Variants in EXOC4 observed in about 807,000 individuals in gnomAD.
EXOC4 encodes the protein SEC8-like 1.
A neutral mutation model predicts 107.2 loss-of-function variants in EXOC4; 71 were observed. The ratio of observed to expected loss-of-function variants is 0.66; its 90% CI spans 0.55 to 0.81. The LOEUF is 0.81. EXOC4 is among the 30% of genes least tolerant of loss of function. The pLI, the probability that EXOC4 is intolerant of heterozygous loss-of-function variation, is 0.00. For synonymous variants in EXOC4, 456 were observed against 441.2 expected (o/e 1.03, Z -0.42); for missense variants, 1,108 against 1,189.6 (o/e 0.93, Z 1.01).
chr7:133,775,618 T>C (rs74336050), intron 10 of EXOC4, among the ~76,000 whole-genome samples: 9,365 of 152,278 alleles, frequency 0.061, 455 homozygotes, highest in Non-Finnish European at 0.088. Flanking sequence ...TAGTTTTTCT[T>C]TGTATTAAGT....
At chr7:133,943,000 C>G (rs921010784) in intron 14 of EXOC4, among the ~76,000 whole-genome samples, 2 of 152,042 alleles carry the variant, frequency 1.3e-5, no homozygotes, top group Non-Finnish European at 1.5e-5. Flanking sequence ...TTGCATTGCC[C>G]TATATATTAG....
chr7:133,580,694 T>C (rs1204932484), intron 9 of EXOC4, among the ~76,000 whole-genome samples: 1 of 152,240 alleles, frequency 6.6e-6, no homozygotes, highest in East Asian at 1.9e-4. Context: ...AAAATCTTCC[T>C]AAGAAAGCTT....
intron 14 of EXOC4, among the ~76,000 whole-genome samples, chr7:133,962,420 T>C (rs1263419001): frequency 6.6e-6 from 1 of 152,184 alleles, no homozygotes; most frequent in Non-Finnish European, 1.5e-5. Flanking sequence ...TTGGGCTCAT[T>C]AACATACCCT....
rs1434741939 is a variant in EXOC4, at chr7:134,032,581, G to T, written c.2687+24746G>T. ...GGAACTAGCTCAGTCCTGAGCTGGGGGGCCTCACTGGTGAAGGGAGTGCGG... is the reference window on the plus strand; with the variant it reads ...GGAACTAGCTCAGTCCTGAGCTGGGTGGCCTCACTGGTGAAGGGAGTGCGG... On this transcript the variant is annotated intron_variant, in intron 17 of 17. Transcript: ENST00000253861. Among the ~76,000 whole-genome samples the T allele has an allele frequency of 2.0e-5, 3 of 152,310 alleles. No homozygotes were observed. In the East Asian group the frequency reaches 5.8e-4, roughly 29 times the overall value.
intron 9 of EXOC4, among the ~76,000 whole-genome samples, chr7:133,572,868 G>C (rs1325693174): frequency 1.3e-5 from 2 of 152,148 alleles, no homozygotes; most frequent in African/African-American, 4.8e-5. Flanking sequence ...GAAACTTCTA[G>C]ACAGTTTTCA....
intron 11 of EXOC4, among the ~76,000 whole-genome samples, chr7:133,890,281 T>A (rs1338119510): frequency 1.3e-5 from 1 of 76,818 alleles, no homozygotes; most frequent in Admixed American, 1.0e-4. Context: ...TTTGTTTTTT[T>A]CTTGTAAATT....
chr7:133,276,112 C>T (rs1793984735), intron 2 of EXOC4, among the ~76,000 whole-genome samples: 1 of 151,720 alleles, frequency 6.6e-6, no homozygotes, highest in Admixed American at 6.6e-5. Context: ...TCTTCCTTCC[C>T]CCACGTTCTT....
rs539702639 is a variant in EXOC4, at chr7:133,287,363, T to G, written c.277-1559T>G. The stretch of plus-strand genomic sequence containing the variant: ...TCTTGCTCTGTCGCCCAGGCTGGAG[T>G]GCAGTGGCACGATCTCGGCTCACTG... On this transcript the variant is annotated intron_variant, in intron 2 of 17. Transcript: ENST00000253861. Among the ~76,000 whole-genome samples, 273 of 152,128 alleles carry G rather than the reference T, an allele frequency of 1.8e-3. 1 individual carries two copies. Among genetic ancestry groups the G allele is most frequent in the African/African-American group, 6.2e-3 (256 of 41,518 alleles).
At chr7:133,901,094 T>C (rs1406301930) in intron 12 of EXOC4, among the ~76,000 whole-genome samples, 1 of 152,116 alleles carries the variant, frequency 6.6e-6, no homozygotes, top group Admixed American at 6.6e-5. Context: ...GGTCTCAAAC[T>C]CCTGACCTCA....
intron 9 of EXOC4, among the ~76,000 whole-genome samples, chr7:133,491,059 G>A (rs1799363602): frequency 6.6e-6 from 1 of 152,148 alleles, no homozygotes; most frequent in South Asian, 2.1e-4. Context: ...GGTTCTATAT[G>A]GAGATTGCAG....
chr7:133,922,305 T>C (rs545006263), intron 13 of EXOC4, among the ~76,000 whole-genome samples: 309 of 152,280 alleles, frequency 2.0e-3, no homozygotes, highest in Non-Finnish European at 3.0e-3. Flanking sequence ...TCGTCCTCCT[T>C]CTTTCTAGTT....
chr7:133,475,226 T>C lies in EXOC4; in HGVS notation c.1183-102T>C. 4 of 996,232 alleles carry C rather than the reference T, an allele frequency of 4.0e-6. No homozygotes were observed. In the South Asian group the frequency reaches 6.7e-5, roughly 17 times the overall value. 61.7% of individuals were successfully genotyped at this position (996,232 alleles called of 1,614,324 possible). ...ATGACCAGGTTAATATACTCCTGAA[T>C]GTTGGTTTTAGAATTAGATTTGCAT... On this transcript the variant is annotated intron_variant, in intron 7 of 17. Transcript: ENST00000253861.
chr7:133,775,964 A>G (rs76588116), intron 10 of EXOC4, among the ~76,000 whole-genome samples: 3,547 of 152,278 alleles, frequency 0.023, 117 homozygotes, highest in African/African-American at 0.076. Flanking sequence ...AATTGCATCT[A>G]TCTTCTTTTT....
intron 5 of EXOC4, among the ~76,000 whole-genome samples, chr7:133,331,886 C>T (rs1795403517): frequency 6.6e-6 from 1 of 152,156 alleles, no homozygotes; most frequent in African/African-American, 2.4e-5. Context: ...AAGCCTTTCT[C>T]TTATTCTCCT....
At chr7:133,951,122 G>A (rs900222810) in intron 14 of EXOC4, among the ~76,000 whole-genome samples, 3 of 152,148 alleles carry the variant, frequency 2.0e-5, no homozygotes, top group Admixed American at 6.5e-5. Context: ...TCCCATTCCT[G>A]CAAAACAAAT....
chr7:133,253,358 C>CA (rs1794938178), intron 1 of EXOC4, 171 bp downstream of exon 1: 18 of 1,404,252 alleles, frequency 1.3e-5, no homozygotes, highest in Non-Finnish European at 1.7e-5. Flanking sequence ...ATTCCCCCTC[C>CA]ACCTTTTTTT....
chr7:133,543,740 A>G (rs943521775), intron 9 of EXOC4, among the ~76,000 whole-genome samples: 1 of 151,394 alleles, frequency 6.6e-6, no homozygotes. Flanking sequence ...TCTCCTCTAT[A>G]GCCGTCAAAT....
At chr7:133,509,744 T>C (rs1799732198) in intron 9 of EXOC4, among the ~76,000 whole-genome samples, 2 of 152,238 alleles carry the variant, frequency 1.3e-5, no homozygotes, top group Non-Finnish European at 2.9e-5. Flanking sequence ...TTCTGTTATT[T>C]GTAAGCAAAC....
At chr7:134,019,359 CAT>C (rs139056992) in intron 17 of EXOC4, among the ~76,000 whole-genome samples, 12 of 152,130 alleles carry the variant, frequency 7.9e-5, no homozygotes, top group East Asian at 3.9e-4. Context: ...TCCTGCAAGA[CAT>C]GTGATTTTTT....
Sources: allele counts gnomAD v4.1 joint callset (sites outside exome capture counted in the v4.1 genomes callset), GRCh38; gene constraint gnomAD v4.1.1; transcripts MANE v1.5; gene names NCBI Gene and HGNC (gene_info 2026-07-23, HGNC 2026-07-21).